Variants in PTGER3 observed in about 807,000 individuals in gnomAD.
The protein encoded by PTGER3 is prostaglandin E receptor 3, also known as prostaglandin E2 receptor EP3 subtype.
PTGER3 carries 22 observed loss-of-function variants against 34.7 expected under a neutral mutation model. The observed-to-expected ratio is 0.63, with a 90% CI of 0.45 to 0.91. PTGER3 has a LOEUF of 0.91. Ranked by LOEUF, PTGER3 falls within the 40% of genes least tolerant of loss-of-function variation. The probability of loss-of-function intolerance (pLI) is 0.00; values close to 1 mark genes in which losing one functional copy is unlikely to be tolerated. For missense variants in PTGER3, 468 were observed against 519.4 expected (o/e 0.90, Z 0.96); for synonymous variants, 241 against 230.1 (o/e 1.05, Z -0.43).
chr1:70,920,190 G>T (rs1195034761), intron 4 of PTGER3, among the ~76,000 whole-genome samples: 1 of 152,156 alleles, frequency 6.6e-6, no homozygotes, highest in Non-Finnish European at 1.5e-5. Flanking sequence ...TGAGTGACAA[G>T]GTGAAATGAA....
chr1:70,963,671 G>C (rs1369691834), intron 2 of PTGER3, among the ~76,000 whole-genome samples: 1 of 152,136 alleles, frequency 6.6e-6, no homozygotes, highest in Non-Finnish European at 1.5e-5. Flanking sequence ...ACAGCAGGGG[G>C]ACCCAGGAAT....
At chr1:70,943,626 C>T (rs1649950560) in intron 4 of PTGER3, among the ~76,000 whole-genome samples, 1 of 152,092 alleles carries the variant, frequency 6.6e-6, no homozygotes. Context: ...AACCCAGTCT[C>T]TATGTCATAC....
chr1:71,001,116 T>C (rs888580793), intron 2 of PTGER3, among the ~76,000 whole-genome samples: 1 of 152,042 alleles, frequency 6.6e-6, no homozygotes, highest in Non-Finnish European at 1.5e-5. Context: ...GGACTGTGGG[T>C]TTCATGCATG....
intron 4 of PTGER3, among the ~76,000 whole-genome samples, chr1:70,905,495 G>A (rs1646927159): frequency 6.6e-6 from 1 of 152,158 alleles, no homozygotes; most frequent in African/African-American, 2.4e-5. Flanking sequence ...CAAGTCTATG[G>A]GAACCCACCC....
intron 2 of PTGER3, among the ~76,000 whole-genome samples, chr1:70,991,485 A>T (rs937855055): frequency 7.2e-5 from 11 of 152,174 alleles, no homozygotes; most frequent in African/African-American, 2.7e-4. Flanking sequence ...GGAGTGAGAC[A>T]GGGAGGGAAG....
intron 2 of PTGER3, among the ~76,000 whole-genome samples, chr1:70,962,088 C>T (rs1651987445): frequency 6.6e-6 from 1 of 152,112 alleles, no homozygotes; most frequent in Admixed American, 6.5e-5. Context: ...AATAAGAAAA[C>T]TGAGGCTAAA....
chr1:70,996,942 A>G (rs951703316), intron 2 of PTGER3, among the ~76,000 whole-genome samples: 28 of 152,256 alleles, frequency 1.8e-4, no homozygotes, highest in Non-Finnish European at 2.5e-4. Context: ...GATTGCAGGC[A>G]TGAGCCACTG....
In PTGER3 at chr1:71,029,950, TAATAA is replaced by T. The variant is rs1298514945; in HGVS notation, c.897+16726_897+16730del. Among the ~76,000 whole-genome samples the T allele has an allele frequency of 9.7e-4, 143 of 147,742 alleles. 1 individual carries two copies. In the Middle Eastern group the frequency reaches 0.042, roughly 43 times the overall value. ...CAAATAATAATAATAATAATAATAA[TAATAA>T]TAATAACAAAATAAGTAAATAAATA... On this transcript the variant is annotated intron_variant, in intron 1 of 3. Transcript: ENST00000306666.
intron 2 of PTGER3, among the ~76,000 whole-genome samples, chr1:70,960,793 T>C (rs577147018): frequency 6.6e-6 from 1 of 152,252 alleles, no homozygotes; most frequent in Admixed American, 6.5e-5. Context: ...AAAAGCAACA[T>C]TAGTATCTGG....
chr1:70,907,291 A>C (rs1018179396), intron 4 of PTGER3, among the ~76,000 whole-genome samples: 1 of 152,220 alleles, frequency 6.6e-6, no homozygotes, highest in African/African-American at 2.4e-5. Context: ...AAGGGCATAC[A>C]CTAGCTTATG....
At chr1:70,881,913 A>T (rs997358952) in intron 4 of PTGER3, among the ~76,000 whole-genome samples, 1 of 152,188 alleles carries the variant, frequency 6.6e-6, no homozygotes, top group Non-Finnish European at 1.5e-5. Context: ...GCTCTAGCAG[A>T]TGTGGCCCAT....
intron 4 of PTGER3, among the ~76,000 whole-genome samples, chr1:70,937,241 T>C (rs1298765362): frequency 6.6e-6 from 1 of 152,166 alleles, no homozygotes; most frequent in Non-Finnish European, 1.5e-5. Flanking sequence ...AAATTTGGGA[T>C]GAAAATTGCT....
chr1:70,917,848 C>T (rs1325972780), intron 4 of PTGER3, among the ~76,000 whole-genome samples: 2 of 151,932 alleles, frequency 1.3e-5, no homozygotes, highest in African/African-American at 2.4e-5. Flanking sequence ...GGATTTTCTT[C>T]CAATAACTAT....
At chr1:70,996,639 T>TTTTA (rs763272005) in intron 2 of PTGER3, among the ~76,000 whole-genome samples, 2,167 of 122,650 alleles carry the variant, frequency 0.018, 26 homozygotes, top group East Asian at 0.03. Flanking sequence ...TTTTTTGTAT[T>TTTTA]TTTATTTATT....
At chr1:70,906,716 G>A (rs1646955949) in intron 4 of PTGER3, among the ~76,000 whole-genome samples, 1 of 152,062 alleles carries the variant, frequency 6.6e-6, no homozygotes, top group Non-Finnish European at 1.5e-5. Context: ...AAGTTAGTTT[G>A]GTTTTCCCCA....
intron 4 of PTGER3, among the ~76,000 whole-genome samples, chr1:70,932,184 C>G (rs922818908): frequency 6.6e-6 from 1 of 152,256 alleles, no homozygotes; most frequent in South Asian, 2.1e-4. Context: ...CGGTTCCCAA[C>G]AAGTTCCTCA....
At chr1:71,010,511 C>A (rs1167352235) in intron 2 of PTGER3, 11 of 984,142 alleles carry the variant, frequency 1.1e-5, no homozygotes, top group Non-Finnish European at 1.3e-5. Context: ...TCATGCCACT[C>A]AAATTCACAT....
chr1:70,916,051 C>A (rs1403487076), intron 4 of PTGER3, among the ~76,000 whole-genome samples: 1 of 151,582 alleles, frequency 6.6e-6, no homozygotes, highest in Non-Finnish European at 1.5e-5. Flanking sequence ...AAACAGATAA[C>A]CCAATTTAAA....
At chr1:70,942,820 G>A (rs1649878921) in intron 4 of PTGER3, among the ~76,000 whole-genome samples, 1 of 152,180 alleles carries the variant, frequency 6.6e-6, no homozygotes, top group African/African-American at 2.4e-5. Context: ...TGCAGAGAGA[G>A]ACAAGGGATG....
Sources: allele counts gnomAD v4.1 joint callset (sites outside exome capture counted in the v4.1 genomes callset), GRCh38; gene constraint gnomAD v4.1.1; transcripts MANE v1.5; gene names NCBI Gene and HGNC (gene_info 2026-07-23, HGNC 2026-07-21).